The following ARPIN variants were observed in gnomAD, a reference collection of about 807,000 sequenced individuals.
ARPIN encodes actin related protein 2/3 complex inhibitor.
A neutral mutation model predicts 25.9 loss-of-function variants in ARPIN; 23 were observed. The observed-to-expected ratio is 0.89, with a 90% CI of 0.64 to 1.26. The LOEUF is 1.26. ARPIN is among the 50% of genes most tolerant of loss of function. ARPIN has a pLI of 0.00. For missense variants in ARPIN, 333 were observed against 312.2 expected (o/e 1.07, Z -0.50); for synonymous variants, 126 against 131.4 (o/e 0.96, Z 0.28).
chr15:89,912,188 TTCTG>T, intron 1 of ARPIN: 1 of 985,196 alleles, frequency 1.0e-6, no homozygotes, highest in Non-Finnish European at 1.2e-6. Context: ...GTATTTGTCT[TTCTG>T]TATCTGGCTT....
chr15:89,903,858 G>T lies in ARPIN; in HGVS notation c.427C>A (p.Pro143Thr), dbSNP rs1567195159. Reference protein sequence around the residue: ...TPDHTVAFWMPESEMEVMELE... With the variant: ...TPDHTVAFWMTESEMEVMELE... ...TCCATCACCTCCATCTCTGACTCGG[G>T]CATCCAGAACGCCACTGTGTGGTCG... The change falls in exon 4 of 6, where the codon CCC becomes ACC. Residue 143 changes from proline (P) to threonine (T), a missense_variant. Pro to Thr is a conservative substitution (Grantham distance 38). Transcript: ENST00000357484. The T allele has an allele frequency of 2.5e-6, 4 of 1,614,032 alleles. No individual in the cohort carries two copies. The highest frequency in any genetic ancestry group is 3.4e-6 in the Non-Finnish European group (4 of 1,180,046).
intron 2 of ARPIN, among the ~76,000 whole-genome samples, chr15:89,909,464 T>G (rs773747903): frequency 2.0e-5 from 3 of 152,236 alleles, no homozygotes; most frequent in African/African-American, 7.2e-5. Flanking sequence ...TGTGCATGTT[T>G]GAGCCACGCA....
At chr15:89,912,418 G>A (rs1596238639) in intron 1 of ARPIN, 3 of 1,157,414 alleles carry the variant, frequency 2.6e-6, no homozygotes, top group East Asian at 9.8e-5. Context: ...AGTAGCTGGA[G>A]TTTATAGTTA....
At chr15:89,902,262 G>C (rs1229951218) in intron 5 of ARPIN, among the ~76,000 whole-genome samples, 1 of 152,034 alleles carries the variant, frequency 6.6e-6, no homozygotes, top group Non-Finnish European at 1.5e-5. Context: ...TACAAAATTA[G>C]CCAGGCATGG....
At chr15:89,904,701 AC>A (rs1480689854) in intron 3 of ARPIN, among the ~76,000 whole-genome samples, 1 of 152,066 alleles carries the variant, frequency 6.6e-6, no homozygotes, top group Non-Finnish European at 1.5e-5. Flanking sequence ...ACAAGGCCAC[AC>A]CCCAGCACAG....
rs1399039380 is a variant in ARPIN, at chr15:89,912,385, G to C, written c.92+359C>G. ...CTGTCCCTTCTGGGGCAGGGCATGAGTCTGTGCAAAAGCAGCGCGGCAAGT... is the reference window on the plus strand; with the variant it reads ...CTGTCCCTTCTGGGGCAGGGCATGACTCTGTGCAAAAGCAGCGCGGCAAGT... On this transcript the variant is annotated intron_variant, in intron 1 of 5. Coordinates refer to ENST00000357484, the MANE Select transcript of ARPIN (RefSeq NM_182616.4). The C allele has an allele frequency of 6.6e-6, 7 of 1,065,504 alleles. No homozygotes were observed. In the Admixed American group the frequency reaches 2.2e-4, roughly 34 times the overall value. The allele number at this position is 1,065,504 out of a possible 1,614,324, so 66.0% of individuals were successfully genotyped here. A position where few individuals can be genotyped will look rare whatever the true frequency, so the allele number is the denominator to read the frequency against.
At position 89,899,944 on chromosome 15, in the gene ARPIN, C is replaced by T. The variant is rs892840765; in HGVS notation, c.*1851G>A. ...TTCCTGAAGCCCATCCAAGACACCC[C>T]GCCCTTTTTGTTGCTTTAGGACCTC... On this transcript the variant is annotated 3_prime_UTR_variant, in exon 6 of 6. Transcript: ENST00000357484. 1.3e-5 allele frequency: 2 copies of T among 152,444 alleles called. No individual in the cohort carries two copies. Among genetic ancestry groups the T allele is most frequent in the Admixed American group, 6.5e-5 (1 of 15,274 alleles). The allele number at this position is 152,444 out of a possible 1,614,324, so 9.4% of individuals were successfully genotyped here.
Position 89,908,410 on chromosome 15 carries a change from C to T in ARPIN, c.171G>A (p.Glu57=). 1 of 1,613,406 alleles carries T rather than the reference C, an allele frequency of 6.2e-7. No homozygotes were observed. Among genetic ancestry groups the T allele is most frequent in the Non-Finnish European group, 8.5e-7 (1 of 1,179,938 alleles). ...HSILDTHGRK[E]RYYVLYIRPS... Reference sequence around the variant, plus strand: ...GCCGGATATACAGCACGTAGTAGCGCTCCTGGGGCCAGGCAGACAGAGAGT... The same window carrying T: ...GCCGGATATACAGCACGTAGTAGCGTTCCTGGGGCCAGGCAGACAGAGAGT... Residue 57 remains glutamate (E), a splice_region_variant and synonymous_variant, in exon 3 of 6, where the codon GAG becomes GAA. Coordinates refer to ENST00000357484, the MANE Select transcript of ARPIN (RefSeq NM_182616.4).
intron 5 of ARPIN, 164 bp downstream of exon 5, chr15:89,903,052 G>T: frequency 1.3e-6 from 2 of 1,509,836 alleles, no homozygotes; most frequent in Non-Finnish European, 1.8e-6. Flanking sequence ...TCATACCTTA[G>T]AGGAATTCTC....
Position 89,910,766 on chromosome 15 carries a change from A to G in ARPIN, c.146T>C (p.Ile49Thr). 1 of 1,614,150 alleles carries G rather than the reference A, an allele frequency of 6.2e-7. No homozygotes were observed. Among genetic ancestry groups the G allele is most frequent in the Non-Finnish European group, 8.5e-7 (1 of 1,180,010 alleles). The stretch of plus-strand genomic sequence containing the variant: ...CACCTTCCTGCCATGAGTGTCCAAG[A>G]TGCTGTGCCGAGATACATCGATCAG... ...GELIDVSRHS[I>T]LDTHGRKERY... The change falls in exon 2 of 6, where the codon ATC becomes ACC. Residue 49 changes from isoleucine to threonine, a missense_variant. Ile to Thr is a moderately conservative substitution (Grantham distance 89). Coordinates refer to ENST00000357484, the MANE Select transcript of ARPIN (RefSeq NM_182616.4).
chr15:89,910,861 T>A, intron 1 of ARPIN, 42 bp from the exon 2 acceptor site: 1 of 1,610,376 alleles, frequency 6.2e-7, no homozygotes, highest in Non-Finnish European at 8.5e-7. Context: ...GTTTTGTCAG[T>A]CCTCAGCAAA....
Position 89,895,072 on chromosome 15 carries a change from A to G in ARPIN, c.*6723T>C, listed in dbSNP as rs1896908403. 6.6e-6 allele frequency: 1 copy of G among 152,058 alleles called. No homozygotes were observed. The highest frequency in any genetic ancestry group is 1.5e-5 in the Non-Finnish European group (1 of 68,018). The allele number at this position is 152,058 out of a possible 1,614,324, so 9.4% of individuals were successfully genotyped here. On this transcript the variant is annotated 3_prime_UTR_variant, in exon 6 of 6. Coordinates refer to ENST00000357484, the MANE Select transcript of ARPIN (RefSeq NM_182616.4). Reference sequence around the variant, plus strand: ...TGAAAAGATTTAGCCTGAGGAACATACATTTCTGCCAGAGTATCTTCAGAA... The same window carrying G: ...TGAAAAGATTTAGCCTGAGGAACATGCATTTCTGCCAGAGTATCTTCAGAA...
intron 2 of ARPIN, 80 bp downstream of exon 2, chr15:89,910,664 A>G (rs1897206819): frequency 6.3e-7 from 1 of 1,575,712 alleles, no homozygotes; most frequent in Non-Finnish European, 8.7e-7. Context: ...CACTGGAAGG[A>G]CCCAGCACAA....
At position 89,901,644 on chromosome 15, in the gene ARPIN, G is replaced by T; in HGVS notation, c.*151C>A. The T allele has an allele frequency of 1.1e-6, 1 of 938,780 alleles. No individual in the cohort carries two copies. The highest frequency in any genetic ancestry group is 1.6e-6 in the Non-Finnish European group (1 of 611,808). 58.2% of individuals were successfully genotyped at this position (938,780 alleles called of 1,614,324 possible). On this transcript the variant is annotated 3_prime_UTR_variant, in exon 6 of 6. Coordinates refer to ENST00000357484, the MANE Select transcript of ARPIN (RefSeq NM_182616.4). ...TGGTCATGGGTTTGGTTTTAGCAGA[G>T]CTTGTTCAAAGAGTATTCCAAGGTG... is the stretch of plus-strand genomic sequence containing the variant.
Position 89,901,721 on chromosome 15 carries a change from G to C in ARPIN, c.*74C>G. On this transcript the variant is annotated 3_prime_UTR_variant, in exon 6 of 6. Coordinates refer to ENST00000357484, the MANE Select transcript of ARPIN (RefSeq NM_182616.4). Reference sequence around the variant, plus strand: ...TGGCAGACTGTTCTCTCCAGCTCCAGAGTAGAAGTTCATGGAAGAAATGTT... The same window carrying C: ...TGGCAGACTGTTCTCTCCAGCTCCACAGTAGAAGTTCATGGAAGAAATGTT... 1.9e-6 allele frequency: 3 copies of C among 1,548,586 alleles called. No homozygotes were observed. Among genetic ancestry groups the C allele is most frequent in the Middle Eastern group, 1.7e-4 (1 of 5,934 alleles).
chr15:89,901,633 G>T lies in ARPIN; in HGVS notation c.*162C>A. The T allele has an allele frequency of 1.2e-6, 1 of 858,226 alleles. No homozygotes were observed. The highest frequency in any genetic ancestry group is 1.8e-6 in the Non-Finnish European group (1 of 544,358). 53.2% of individuals were successfully genotyped at this position (858,226 alleles called of 1,614,324 possible). A position where few individuals can be genotyped will look rare whatever the true frequency, so the allele number is the denominator to read the frequency against. On this transcript the variant is annotated 3_prime_UTR_variant, in exon 6 of 6. Transcript: ENST00000357484. ...CACCAACACAGTGGTCATGGGTTTGGTTTTAGCAGAGCTTGTTCAAAGAGT... is the reference window on the plus strand; with the variant it reads ...CACCAACACAGTGGTCATGGGTTTGTTTTTAGCAGAGCTTGTTCAAAGAGT...
rs547747266 is a variant in ARPIN, at chr15:89,895,314, A to G, written c.*6481T>C. ...AGCTAAAAGATTACACAAAGTATGT[A>G]CAGGGACAACCCACTTTGCTCAAGA... On this transcript the variant is annotated 3_prime_UTR_variant, in exon 6 of 6. Transcript: ENST00000357484. 6.6e-6 allele frequency: 1 copy of G among 152,350 alleles called. No homozygotes were observed. The highest frequency in any genetic ancestry group is 2.4e-5 in the African/African-American group (1 of 41,588). The allele number at this position is 152,350 out of a possible 1,614,324, so 9.4% of individuals were successfully genotyped here. A position where few individuals can be genotyped will look rare whatever the true frequency, so the allele number is the denominator to read the frequency against.
At chr15:89,908,558 C>T (rs1464701569) in intron 2 of ARPIN, 146 bp from the exon 3 acceptor site, 2 of 1,365,286 alleles carry the variant, frequency 1.5e-6, no homozygotes, top group African/African-American at 1.5e-5. Flanking sequence ...CAGATGCTCC[C>T]TCTGCCCCCA....
rs762313157 is a variant in ARPIN at position 89,912,746 on chromosome 15, C to T, written c.90G>A (p.Gln30=). The T allele has an allele frequency of 6.8e-7, 1 of 1,472,192 alleles. No homozygotes were observed. Among genetic ancestry groups the T allele is most frequent in the Non-Finnish European group, 9.0e-7 (1 of 1,116,450 alleles). 91.2% of individuals were successfully genotyped at this position (1,472,192 alleles called of 1,614,324 possible). Residue 30 remains glutamine, a splice_region_variant and synonymous_variant, in exon 1 of 6, where the codon CAG becomes CAA. Coordinates refer to ENST00000357484, the MANE Select transcript of ARPIN (RefSeq NM_182616.4). ...CGAGGCCGTGAGCCCAGGCCTACCCCTGGTGGGCGGCGGGGTCCCAGGCCC... is the reference window on the plus strand; with the variant it reads ...CGAGGCCGTGAGCCCAGGCCTACCCTTGGTGGGCGGCGGGGTCCCAGGCCC... ...LPGAWDPAAH[Q]GGNGVLLEGE...
Sources: allele counts gnomAD v4.1 joint callset (sites outside exome capture counted in the v4.1 genomes callset), GRCh38; gene constraint gnomAD v4.1.1; transcripts MANE v1.5; gene names NCBI Gene and HGNC (gene_info 2026-07-23, HGNC 2026-07-21).